Variants in NDUFAF6 observed in about 807,000 individuals in gnomAD.
The protein encoded by NDUFAF6 is NADH:ubiquinone oxidoreductase complex assembly factor 6, also known as NADH dehydrogenase (ubiquinone) complex I, assembly factor 6.
A neutral mutation model predicts 40.8 loss-of-function variants in NDUFAF6; 45 were observed. The ratio of observed to expected loss-of-function variants is 1.10; its 90% CI spans 0.87 to 1.42. NDUFAF6 has a LOEUF of 1.42. NDUFAF6 is among the 40% of genes most tolerant of loss of function. The pLI, the probability that NDUFAF6 is intolerant of heterozygous loss-of-function variation, is 0.00. For missense variants in NDUFAF6, 435 were observed against 418.5 expected (o/e 1.04, Z -0.34); for synonymous variants, 185 against 155.9 (o/e 1.19, Z -1.39).
intron 8 of NDUFAF6, among the ~76,000 whole-genome samples, chr8:95,054,523 C>T (rs1831872365): frequency 6.6e-6 from 1 of 151,646 alleles, no homozygotes; most frequent in Non-Finnish European, 1.5e-5. Context: ...CAGCCTCTGC[C>T]TCCAGGGTTC....
At chr8:95,109,927 TA>T (rs1458075162) in intron 4 of NDUFAF6, among the ~76,000 whole-genome samples, 1 of 152,228 alleles carries the variant, frequency 6.6e-6, no homozygotes, top group East Asian at 1.9e-4. Context: ...TGTGTACCAG[TA>T]TGTTCTTATA....
downstream of NDUFAF6, among the ~76,000 whole-genome samples, chr8:95,108,113 TG>T (rs1214311067): frequency 2.6e-5 from 4 of 152,198 alleles, no homozygotes; most frequent in Non-Finnish European, 5.9e-5. Context: ...TGTACTTTGC[TG>T]GTGGGATGTA....
In NDUFAF6 at chr8:95,025,023, G is replaced by C. The variant is rs1827902919; in HGVS notation, c.15G>C (p.Ala5=). 7.4e-7 allele frequency: 1 copy of C among 1,351,898 alleles called. No homozygotes were observed. The highest frequency in any genetic ancestry group is 9.4e-7 in the Non-Finnish European group (1 of 1,060,680). 83.7% of individuals were successfully genotyped at this position (1,351,898 alleles called of 1,614,324 possible). A position where few individuals can be genotyped will look rare whatever the true frequency, so the allele number is the denominator to read the frequency against. The change falls in exon 1 of 9, where the codon GCG becomes GCC. Residue 5 remains alanine (A), a synonymous_variant. Coordinates refer to ENST00000396124, the MANE Select transcript of NDUFAF6 (RefSeq NM_152416.4). MAAS[A]HGSVWGPLRL... ...GTGCCGGCGTCATGGCGGCCTCCGCGCACGGCTCTGTCTGGGGGCCGTTGC... is the reference window on the plus strand; with the variant it reads ...GTGCCGGCGTCATGGCGGCCTCCGCCCACGGCTCTGTCTGGGGGCCGTTGC...
chr8:95,083,727 G>A (rs936170941), intron 2 of NDUFAF6, among the ~76,000 whole-genome samples: 4 of 152,144 alleles, frequency 2.6e-5, no homozygotes, highest in Non-Finnish European at 5.9e-5. Flanking sequence ...TACTACCACA[G>A]TCTCAAAGTA....
chr8:95,086,687 T>C (rs1037773377), intron 2 of NDUFAF6, among the ~76,000 whole-genome samples: 3 of 151,222 alleles, frequency 2.0e-5, no homozygotes, highest in African/African-American at 7.3e-5. Context: ...CTGCAAGCTC[T>C]GCCTCCTGGG....
At chr8:95,060,529 CTG>C (rs1434910744), downstream of NDUFAF6, among the ~76,000 whole-genome samples, 1 of 152,204 alleles carries the variant, frequency 6.6e-6, no homozygotes, top group Non-Finnish European at 1.5e-5. Context: ...AGAAATGTAA[CTG>C]TAGCTAACAC....
At chr8:95,020,400 A>C (rs965947808), upstream of NDUFAF6, among the ~76,000 whole-genome samples, 10 of 152,214 alleles carry the variant, frequency 6.6e-5, no homozygotes, top group Non-Finnish European at 1.2e-4. Flanking sequence ...TGCCCTTCTT[A>C]AACTTGCTGA....
chr8:94,969,803 C>A (rs1281731122), intron 1 of NDUFAF6, among the ~76,000 whole-genome samples: 1 of 151,924 alleles, frequency 6.6e-6, no homozygotes, highest in Admixed American at 6.6e-5. Context: ...AGGATCTTTA[C>A]AATGGAAAAA....
At chr8:95,029,711 G>T (rs1365333013) in intron 1 of NDUFAF6, among the ~76,000 whole-genome samples, 1 of 152,164 alleles carries the variant, frequency 6.6e-6, no homozygotes, top group Admixed American at 6.5e-5. Context: ...CAGTTACTTT[G>T]TAGAAATCTC....
chr8:94,976,841 T>C (rs898594427), intron 1 of NDUFAF6, among the ~76,000 whole-genome samples: 1 of 152,150 alleles, frequency 6.6e-6, no homozygotes, highest in Non-Finnish European at 1.5e-5. Context: ...TTAATATTAC[T>C]GAACCATACA....
chr8:95,055,043 G>C (rs1831950260), intron 8 of NDUFAF6, among the ~76,000 whole-genome samples: 1 of 152,130 alleles, frequency 6.6e-6, no homozygotes, highest in Admixed American at 6.6e-5. Context: ...CCATCAGCCA[G>C]ACTTTCCTTT....
At chr8:95,089,287 T>A (rs907281570) in intron 2 of NDUFAF6, among the ~76,000 whole-genome samples, 1 of 152,060 alleles carries the variant, frequency 6.6e-6, no homozygotes, top group African/African-American at 2.4e-5. Context: ...CTTGAACTCA[T>A]GAACTCATGC....
intron 7 of NDUFAF6, among the ~76,000 whole-genome samples, chr8:95,049,356 C>T (rs1311267025): frequency 6.6e-6 from 1 of 152,150 alleles, no homozygotes; most frequent in Non-Finnish European, 1.5e-5. Flanking sequence ...GGTTCTTCAC[C>T]TCTTAACTTT....
At chr8:95,008,730 A>G (rs915441280) in intron 2 of NDUFAF6, among the ~76,000 whole-genome samples, 1 of 152,100 alleles carries the variant, frequency 6.6e-6, no homozygotes, top group Non-Finnish European at 1.5e-5. Flanking sequence ...GCTGGTCTTG[A>G]ACTCGTGACC....
In NDUFAF6 at chr8:94,934,001, C is replaced by T. The variant is rs974583582; in HGVS notation, c.-935-11482C>T. Among the ~76,000 whole-genome samples, 18 of 148,900 alleles carry T rather than the reference C, an allele frequency of 1.2e-4. No individual in the cohort carries two copies. The East Asian group carries it at 3.2e-3, about 27-fold the overall frequency. ...CTGAGGCAGGAGAATTGCTTGAACC[C>T]GGGAGGCAGAGGTTGCAGTGAGCCA... is the stretch of plus-strand genomic sequence containing the variant. On this transcript the variant is annotated intron_variant, in intron 1 of 14. Transcript: ENST00000396113.
chr8:94,991,204 G>A (rs1826176125), intron 2 of NDUFAF6, among the ~76,000 whole-genome samples: 1 of 152,174 alleles, frequency 6.6e-6, no homozygotes, highest in African/African-American at 2.4e-5. Context: ...CAAACCACTA[G>A]TAAAACCAGC....
At chr8:95,014,532 GA>G (rs1827360826) in intron 2 of NDUFAF6, among the ~76,000 whole-genome samples, 1 of 152,228 alleles carries the variant, frequency 6.6e-6, no homozygotes, top group Non-Finnish European at 1.5e-5. Flanking sequence ...TGTGAGCAGA[GA>G]AGTGACATCC....
chr8:94,970,687 C>A (rs1336776858), intron 1 of NDUFAF6, among the ~76,000 whole-genome samples: 2 of 152,164 alleles, frequency 1.3e-5, no homozygotes, highest in Non-Finnish European at 2.9e-5. Context: ...ATTAATCAAG[C>A]ACATACCAAA....
chr8:95,039,463 A>AG (rs113537333), intron 3 of NDUFAF6, among the ~76,000 whole-genome samples: 1,907 of 149,038 alleles, frequency 0.013, 34 homozygotes, highest in African/African-American at 0.044. Flanking sequence ...AAAAAAAAAA[A>AG]GGGGGGGTTT....
Sources: gnomAD v4.1 joint callset for allele counts (sites outside exome capture counted in the v4.1 genomes callset) on GRCh38, gnomAD v4.1.1 for gene constraint, MANE v1.5 for transcripts, NCBI Gene and HGNC (gene_info 2026-07-23, HGNC 2026-07-21) for gene names.